The following RIMS2 variants were observed in gnomAD, a reference collection of about 807,000 sequenced individuals.
RIMS2 encodes regulating synaptic membrane exocytosis protein 2.
In RIMS2, 59 loss-of-function variants were observed where a neutral mutation model predicts 174.4. That is an observed-to-expected ratio of 0.34 (90% CI 0.27 to 0.42). The LOEUF (loss-of-function observed/expected upper bound fraction) is 0.42. Ranked by LOEUF, RIMS2 falls within the 10% of genes least tolerant of loss-of-function variation. The probability of loss-of-function intolerance (pLI) is 1.00; values close to 1 mark genes in which losing one functional copy is unlikely to be tolerated. For synonymous variants in RIMS2, 606 were observed against 572.5 expected, an observed-to-expected ratio of 1.06 and a Z score of -0.84; for missense variants, 1,620 against 1,666.3, an observed-to-expected ratio of 0.97 and a Z score of 0.48.
chr8:104,018,856 C>T (rs543628044), intron 19 of RIMS2, among the ~76,000 whole-genome samples: 1 of 152,140 alleles, frequency 6.6e-6, no homozygotes, highest in Non-Finnish European at 1.5e-5. Flanking sequence ...CAATATTACT[C>T]TAACATTTAT....
chr8:103,732,176 T>C (rs1267253245), intron 2 of RIMS2, among the ~76,000 whole-genome samples: 1 of 152,222 alleles, frequency 6.6e-6, no homozygotes, highest in African/African-American at 2.4e-5. Flanking sequence ...AGCCCATTAA[T>C]GCTGTGACTC....
rs527479883 is a variant in RIMS2, at chr8:103,587,530, A to C, written c.176+86468A>C. On this transcript the variant is annotated intron_variant, in intron 1 of 23. Coordinates refer to ENST00000504942, the Ensembl canonical transcript of RIMS2. ...AAAAATCCTCAACAAAATTCTAGCA[A>C]ACTGAATTCAGCAATACTTTAGAAG... Among the ~76,000 whole-genome samples the C allele has an allele frequency of 7.6e-4, 115 of 152,186 alleles. 1 individual carries two copies. Among genetic ancestry groups the C allele is most frequent in the African/African-American group, 2.5e-3 (103 of 41,554 alleles).
At chr8:103,939,231 T>C (rs1304317421) in intron 13 of RIMS2, among the ~76,000 whole-genome samples, 2 of 152,236 alleles carry the variant, frequency 1.3e-5, no homozygotes, top group Non-Finnish European at 2.9e-5. Flanking sequence ...TACCTGGACA[T>C]CCAGGCATTT....
At chr8:104,086,110 A>AAAAG (rs2097532508) in intron 19 of RIMS2, among the ~76,000 whole-genome samples, 1 of 152,052 alleles carries the variant, frequency 6.6e-6, no homozygotes, top group African/African-American at 2.4e-5. Context: ...AAGGAGATTA[A>AAAAG]AAAGTAACAC....
At chr8:104,138,601 G>A (rs763679161) in intron 19 of RIMS2, among the ~76,000 whole-genome samples, 7 of 151,946 alleles carry the variant, frequency 4.6e-5, no homozygotes, top group African/African-American at 9.7e-5. Flanking sequence ...TAGATCTTTC[G>A]CCCATTTAAA....
chr8:103,504,705 C>T (rs1279508480), intron 1 of RIMS2, among the ~76,000 whole-genome samples: 1 of 151,868 alleles, frequency 6.6e-6, no homozygotes, highest in African/African-American at 2.4e-5. Flanking sequence ...GTTAGGATAA[C>T]AATTAGTATA....
chr8:103,793,510 A>G (rs1483100094), intron 3 of RIMS2, among the ~76,000 whole-genome samples: 1 of 152,196 alleles, frequency 6.6e-6, no homozygotes, highest in East Asian at 1.9e-4. Flanking sequence ...ATTCCCTTTG[A>G]AAACTGGCAC....
intron 2 of RIMS2, among the ~76,000 whole-genome samples, chr8:103,752,389 C>T (rs1312025764): frequency 3.3e-5 from 5 of 152,150 alleles, no homozygotes; most frequent in African/African-American, 1.2e-4. Context: ...TAGCGTGATG[C>T]CTCCAGCTTT....
In RIMS2 at chr8:104,084,600, A is replaced by T. The variant is rs114241398; in HGVS notation, c.3334+69985A>T. 7.5e-3 allele frequency among the ~76,000 whole-genome samples: 1,141 copies of T among 152,066 alleles called. 14 individuals carry two copies. The highest frequency in any genetic ancestry group is 0.026 in the African/African-American group (1,073 of 41,470). On this transcript the variant is annotated intron_variant, in intron 19 of 23. Transcript: ENST00000504942. ...GTTTTTTATGAGACGTGCAATTAAG[A>T]ACCTATTTATAAAGTATTCATAGCC...
intron 19 of RIMS2, among the ~76,000 whole-genome samples, chr8:104,190,860 A>C (rs2098993971): frequency 6.6e-6 from 1 of 152,098 alleles, no homozygotes; most frequent in Non-Finnish European, 1.5e-5. Context: ...CAGGTTGCAA[A>C]TATTTTATAG....
At chr8:103,723,637 G>A (rs2097485035) in intron 2 of RIMS2, among the ~76,000 whole-genome samples, 1 of 152,196 alleles carries the variant, frequency 6.6e-6, no homozygotes, top group African/African-American at 2.4e-5. Flanking sequence ...GTGGGTGCTG[G>A]CATGGAGTCT....
At chr8:103,575,309 C>G (rs1026059347) in intron 1 of RIMS2, among the ~76,000 whole-genome samples, 4 of 152,106 alleles carry the variant, frequency 2.6e-5, no homozygotes, top group African/African-American at 7.2e-5. Context: ...GGTTATGGAA[C>G]AATTGCTACT....
chr8:104,076,592 C>T (rs928651225), intron 19 of RIMS2, among the ~76,000 whole-genome samples: 5 of 152,040 alleles, frequency 3.3e-5, no homozygotes, highest in Non-Finnish European at 5.9e-5. Flanking sequence ...GATATATGGA[C>T]AGTTTGATAA....
chr8:104,052,084 T>A (rs1222443446), intron 19 of RIMS2, among the ~76,000 whole-genome samples: 1 of 152,120 alleles, frequency 6.6e-6, no homozygotes, highest in Non-Finnish European at 1.5e-5. Context: ...AGTGGTTACC[T>A]GGGCAAGCAA....
intron 1 of RIMS2, among the ~76,000 whole-genome samples, chr8:103,610,199 T>A (rs938592521): frequency 2.6e-5 from 4 of 152,184 alleles, no homozygotes; most frequent in Non-Finnish European, 5.9e-5. Context: ...GAAACCTTGC[T>A]GAAGTTGTTT....
At chr8:104,019,345 C>T (rs1371424384) in intron 19 of RIMS2, among the ~76,000 whole-genome samples, 1 of 152,020 alleles carries the variant, frequency 6.6e-6, no homozygotes, top group Non-Finnish European at 1.5e-5. Context: ...TTGAATAATA[C>T]AGAATACCTT....
chr8:104,022,122 A>G (rs2096114237), intron 19 of RIMS2, among the ~76,000 whole-genome samples: 1 of 152,174 alleles, frequency 6.6e-6, no homozygotes, highest in South Asian at 2.1e-4. Flanking sequence ...AAGTAACTGG[A>G]GAAGTTAAAA....
intron 3 of RIMS2, among the ~76,000 whole-genome samples, chr8:103,781,965 A>G (rs200719049): frequency 2.0e-5 from 3 of 151,584 alleles, no homozygotes; most frequent in African/African-American, 7.3e-5. Context: ...TCAGGCTGGT[A>G]TTGAACTCCT....
intron 1 of RIMS2, among the ~76,000 whole-genome samples, chr8:103,510,923 T>C (rs1311581276): frequency 6.6e-6 from 1 of 152,206 alleles, no homozygotes; most frequent in Non-Finnish European, 1.5e-5. Flanking sequence ...AGAGTGCCAG[T>C]AGATATAAAT....
Sources: allele counts gnomAD v4.1 joint callset (sites outside exome capture counted in the v4.1 genomes callset), GRCh38; gene constraint gnomAD v4.1.1; transcripts MANE v1.5; gene names NCBI Gene and HGNC (gene_info 2026-07-23, HGNC 2026-07-21).